MEF2A: variants seen among roughly 807,000 people sequenced by gnomAD.
MEF2A encodes myocyte enhancer factor 2A, also known as myocyte-specific enhancer factor 2A.
In MEF2A, 28 loss-of-function variants were observed where a neutral mutation model predicts 55.8. The ratio of observed to expected loss-of-function variants is 0.50; its 90% CI spans 0.37 to 0.69. MEF2A has a LOEUF of 0.69. MEF2A is among the 30% of genes least tolerant of loss of function. MEF2A has a pLI of 0.00. For synonymous variants in MEF2A, 239 were observed against 227.1 expected, an observed-to-expected ratio of 1.05 and a Z score of -0.47; for missense variants, 528 against 626.2, an observed-to-expected ratio of 0.84 and a Z score of 1.67.
intron 1 of MEF2A, among the ~76,000 whole-genome samples, chr15:99,574,345 T>G (rs1376171743): frequency 6.6e-6 from 1 of 152,040 alleles, no homozygotes; most frequent in Non-Finnish European, 1.5e-5. Flanking sequence ...CCATGAATGG[T>G]GGGGGGAGGG....
intron 7 of MEF2A, among the ~76,000 whole-genome samples, chr15:99,679,934 C>T (rs1443774447): frequency 6.6e-6 from 1 of 152,184 alleles, no homozygotes; most frequent in East Asian, 1.9e-4. Flanking sequence ...ACTCAACACT[C>T]ACATTCATGC....
At chr15:99,628,713 T>C (rs1390624845) in intron 2 of MEF2A, among the ~76,000 whole-genome samples, 2 of 152,242 alleles carry the variant, frequency 1.3e-5, no homozygotes, top group Admixed American at 1.3e-4. Context: ...TATGTACTAT[T>C]ACTGTTATGT....
chr15:99,608,637 G>A (rs919512203), intron 2 of MEF2A, among the ~76,000 whole-genome samples: 1 of 152,098 alleles, frequency 6.6e-6, no homozygotes, highest in Non-Finnish European at 1.5e-5. Context: ...GGTGGCTCAC[G>A]CCTGTAATGT....
chr15:99,705,693 T>C (rs1285887321), intron 9 of MEF2A, among the ~76,000 whole-genome samples: 1 of 152,234 alleles, frequency 6.6e-6, no homozygotes, highest in Non-Finnish European at 1.5e-5. Context: ...TTTTGTCTGA[T>C]GTACCCTTTT....
intron 7 of MEF2A, among the ~76,000 whole-genome samples, 163 bp from the exon 8 acceptor site, chr15:99,690,078 A>T (rs933632486): frequency 1.3e-5 from 2 of 152,228 alleles, no homozygotes; most frequent in African/African-American, 4.8e-5. Context: ...CCAAAATCAG[A>T]AACACTTCTG....
At chr15:99,651,464 AG>A (rs2046837191) in intron 4 of MEF2A, among the ~76,000 whole-genome samples, 1 of 152,210 alleles carries the variant, frequency 6.6e-6, no homozygotes, top group Admixed American at 6.5e-5. Context: ...AATGTTTTAC[AG>A]GGCTGCAGTG....
chr15:99,604,433 G>GT (rs1157338701), intron 2 of MEF2A, among the ~76,000 whole-genome samples: 4 of 152,026 alleles, frequency 2.6e-5, no homozygotes, highest in African/African-American at 9.7e-5. Flanking sequence ...CATCCAGGGT[G>GT]TTTTTAATTT....
At chr15:99,678,651 CA>C (rs1329722074) in intron 7 of MEF2A, 62 of 984,816 alleles carry the variant, frequency 6.3e-5, no homozygotes, top group Non-Finnish European at 7.1e-5. Context: ...ACTTCAGGCC[CA>C]TGTACTGCTA....
chr15:99,641,017 C>G (rs770090483), intron 3 of MEF2A, among the ~76,000 whole-genome samples: 4 of 152,086 alleles, frequency 2.6e-5, no homozygotes, highest in Admixed American at 2.0e-4. Flanking sequence ...CCTGTGATCT[C>G]GCACGTATTT....
chr15:99,691,404 T>C lies in MEF2A; in HGVS notation c.858+976T>C, dbSNP rs139649980. 7.4e-3 allele frequency among the ~76,000 whole-genome samples: 1,126 copies of C among 152,082 alleles called. 18 individuals are homozygous for C. The highest frequency in any genetic ancestry group is 0.026 in the African/African-American group (1,074 of 41,482). On this transcript the variant is annotated intron_variant, in intron 8 of 11. Transcript: ENST00000557942. ...AAGCACTAAACTATTTGTTAGAAAA[T>C]TCTACATACCAGGCAGGGTACAGTG...
intron 1 of MEF2A, among the ~76,000 whole-genome samples, chr15:99,570,547 C>T (rs374605322): frequency 3.3e-5 from 5 of 152,126 alleles, no homozygotes; most frequent in African/African-American, 1.2e-4. Flanking sequence ...TTGTTACTTG[C>T]GTGACCAGCA....
At chr15:99,612,395 G>A (rs548766600) in intron 2 of MEF2A, among the ~76,000 whole-genome samples, 22 of 152,204 alleles carry the variant, frequency 1.4e-4, no homozygotes, top group Admixed American at 3.9e-4. Context: ...CAGTCTGGAT[G>A]ACAGAGTGAG....
Position 99,711,143 on chromosome 15 carries a change from A to G in MEF2A, c.1136+383A>G, listed in dbSNP as rs1343098805. Among the ~76,000 whole-genome samples the G allele has an allele frequency of 4.6e-5, 7 of 152,312 alleles. No individual in the cohort carries two copies. The East Asian group carries it at 1.2e-3, about 25-fold the overall frequency. On this transcript the variant is annotated intron_variant, in intron 11 of 11. Transcript: ENST00000557942. The stretch of plus-strand genomic sequence containing the variant: ...CTCCCAAGCACCTGCCTCTGGCTGC[A>G]CTGCTTGAAAGGCAGCCTGTAGGCA...
At chr15:99,622,657 G>C (rs2041380235) in intron 2 of MEF2A, among the ~76,000 whole-genome samples, 1 of 150,622 alleles carries the variant, frequency 6.6e-6, no homozygotes, top group Non-Finnish European at 1.5e-5. Context: ...AGACATTATT[G>C]CTGTACAGCC....
chr15:99,679,971 T>G (rs145454368), intron 7 of MEF2A, among the ~76,000 whole-genome samples: 4 of 152,302 alleles, frequency 2.6e-5, no homozygotes, highest in Non-Finnish European at 5.9e-5. Context: ...CTTTGAGTCT[T>G]TGGACATTGT....
intron 2 of MEF2A, among the ~76,000 whole-genome samples, chr15:99,616,115 A>G (rs565933687): frequency 3.1e-4 from 47 of 152,326 alleles, no homozygotes; most frequent in African/African-American, 1.1e-3. Context: ...TTAGATCTCA[A>G]TGTTTAAAAT....
At chr15:99,613,160 A>G (rs2039594123) in intron 2 of MEF2A, among the ~76,000 whole-genome samples, 1 of 152,222 alleles carries the variant, frequency 6.6e-6, no homozygotes, top group African/African-American at 2.4e-5. Flanking sequence ...AAAGACGTAC[A>G]TCATCGTAAT....
At chr15:99,661,719 T>C (rs2048671711) in intron 4 of MEF2A, among the ~76,000 whole-genome samples, 1 of 152,026 alleles carries the variant, frequency 6.6e-6, no homozygotes, top group African/African-American at 2.4e-5. Context: ...AAAAGACAGT[T>C]TGGCATTATC....
At chr15:99,590,342 T>C (rs995226557) in intron 1 of MEF2A, among the ~76,000 whole-genome samples, 10 of 140,068 alleles carry the variant, frequency 7.1e-5, no homozygotes, top group African/African-American at 2.5e-4. Flanking sequence ...TTATGTTTCC[T>C]ATCTGTGTTA....
Sources: allele counts gnomAD v4.1 joint callset (sites outside exome capture counted in the v4.1 genomes callset), GRCh38; gene constraint gnomAD v4.1.1; transcripts MANE v1.5; gene names NCBI Gene and HGNC (gene_info 2026-07-23, HGNC 2026-07-21).